Variants in NFIB observed in about 807,000 individuals in gnomAD.
The protein encoded by NFIB is nuclear factor 1 B-type.
A neutral mutation model predicts 61.5 loss-of-function variants in NFIB; 11 were observed. That is an observed-to-expected ratio of 0.18 (90% CI 0.11 to 0.30). NFIB has a LOEUF of 0.30. NFIB is among the 10% of genes least tolerant of loss of function. The pLI is 1.00. For synonymous variants in NFIB, 260 were observed against 216.5 expected (o/e 1.20, Z -1.76); for missense variants, 471 against 608.9 (o/e 0.77, Z 2.38).
intron 2 of NFIB, among the ~76,000 whole-genome samples, chr9:14,197,769 A>C (rs1322301966): frequency 3.3e-5 from 5 of 152,194 alleles, no homozygotes; most frequent in African/African-American, 4.8e-5. Flanking sequence ...GCAGCGCTTT[A>C]GCAAATTTTG....
chr9:14,163,083 A>G (rs527488481), intron 3 of NFIB, among the ~76,000 whole-genome samples: 31 of 152,196 alleles, frequency 2.0e-4, no homozygotes, highest in African/African-American at 7.2e-4. Context: ...ATAGGTAATA[A>G]TCATACTACC....
chr9:14,394,270 T>C (rs1363333203), intron 1 of NFIB, among the ~76,000 whole-genome samples: 2 of 152,220 alleles, frequency 1.3e-5, no homozygotes, highest in Non-Finnish European at 2.9e-5. Flanking sequence ...TGGACATATA[T>C]GCTCATAGAG....
rs2032427350 is a variant in NFIB, at chr9:14,083,907, A to T, written c.*4402T>A. On this transcript the variant is annotated 3_prime_UTR_variant, in exon 11 of 11. Coordinates refer to ENST00000380953, the MANE Select transcript of NFIB (RefSeq NM_001190737.2). The stretch of plus-strand genomic sequence containing the variant: ...TGAATGCTCTGTGAAACTTAACCTT[A>T]AATACCATCACGTAACAATCACAAA... The T allele has an allele frequency of 4.5e-6, 1 of 223,888 alleles. No individual in the cohort carries two copies. Among genetic ancestry groups the T allele is most frequent in the Non-Finnish European group, 8.9e-6 (1 of 112,060 alleles). The allele number at this position is 223,888 out of a possible 1,614,324, so 13.9% of individuals were successfully genotyped here.
rs571049447 is a variant in NFIB, at chr9:14,164,760, T to C, written c.617-8867A>G. Among the ~76,000 whole-genome samples the C allele has an allele frequency of 3.0e-4, 45 of 152,216 alleles. 1 individual carries two copies. The South Asian group carries it at 5.6e-3, about 19-fold the overall frequency. On this transcript the variant is annotated intron_variant, in intron 3 of 10. Transcript: ENST00000380953. ...TGGACCGATTATCCTAGTGTAGTGG[T>C]TGCCAAATTTGCTGAACACTGGAAC...
chr9:14,160,105 C>A (rs1054235283), intron 3 of NFIB, among the ~76,000 whole-genome samples: 1 of 152,182 alleles, frequency 6.6e-6, no homozygotes, highest in Non-Finnish European at 1.5e-5. Context: ...TGTATTTACA[C>A]TACATGTGTG....
chr9:14,157,204 T>C (rs1213044832), intron 3 of NFIB, among the ~76,000 whole-genome samples: 1 of 152,204 alleles, frequency 6.6e-6, no homozygotes, highest in Non-Finnish European at 1.5e-5. Flanking sequence ...GAACCTGCGA[T>C]CAGCTATATA....
chr9:14,472,082 G>A, the NFIB span, among the ~76,000 whole-genome samples: 140 of 152,292 alleles, frequency 9.2e-4, 1 homozygote, highest in Middle Eastern at 0.01. Context: ...ATGAGAGATC[G>A]CGCAGAACAA....
At chr9:14,276,984 C>T (rs1322993) in intron 2 of NFIB, among the ~76,000 whole-genome samples, 128,233 of 151,928 alleles carry the variant, frequency 0.84, 54,450 homozygotes, top group Non-Finnish European at 0.89. Flanking sequence ...CATGGTGCTA[C>T]GAAGAACTTT....
At chr9:14,163,941 T>C (rs910786847) in intron 3 of NFIB, among the ~76,000 whole-genome samples, 7 of 149,416 alleles carry the variant, frequency 4.7e-5, no homozygotes, top group African/African-American at 9.8e-5. Context: ...AAATAAACCA[T>C]GAACCAAAGA....
In NFIB at chr9:14,088,125, C is replaced by T; in HGVS notation, c.*184G>A. On this transcript the variant is annotated 3_prime_UTR_variant, in exon 11 of 11. Transcript: ENST00000380953. ...CTTTCTGCCTTTGTGTTGTTTTGTCCAGTCTTCCTCTTTTCCTTTTTTTTT... is the reference window on the plus strand; with the variant it reads ...CTTTCTGCCTTTGTGTTGTTTTGTCTAGTCTTCCTCTTTTCCTTTTTTTTT... The T allele has an allele frequency of 3.1e-6, 4 of 1,300,798 alleles. No individual in the cohort carries two copies. The highest frequency in any genetic ancestry group is 3.0e-5 in the Admixed American group (1 of 33,578). The allele number at this position is 1,300,798 out of a possible 1,614,324, so 80.6% of individuals were successfully genotyped here.
At chr9:14,357,966 G>C (rs563890903) in intron 1 of NFIB, 1 of 152,200 alleles carries the variant, frequency 6.6e-6, no homozygotes, top group Non-Finnish European at 1.5e-5. Flanking sequence ...AACTAGACTA[G>C]TGATTGGCTA....
At chr9:14,442,859 T>C in the NFIB span, among the ~76,000 whole-genome samples, 1 of 152,164 alleles carries the variant, frequency 6.6e-6, no homozygotes, top group Non-Finnish European at 1.5e-5. Context: ...GTAACAACGG[T>C]ATCACTAATG....
intron 2 of NFIB, among the ~76,000 whole-genome samples, chr9:14,202,127 T>TTC (rs1554671409): frequency 2.6e-5 from 2 of 78,178 alleles, no homozygotes; most frequent in African/African-American, 8.3e-5. Context: ...ATTGATACTT[T>TTC]TCACACACAC....
chr9:14,511,992 T>C, the NFIB span, among the ~76,000 whole-genome samples: 4 of 152,348 alleles, frequency 2.6e-5, no homozygotes, highest in Admixed American at 6.5e-5. Flanking sequence ...CTGTTTTATT[T>C]AGGTATAAAG....
chr9:14,417,644 G>C, the NFIB span, among the ~76,000 whole-genome samples: 1 of 152,070 alleles, frequency 6.6e-6, no homozygotes, highest in Non-Finnish European at 1.5e-5. Context: ...TAACCAGATA[G>C]AAGTATTTTA....
At chr9:14,257,580 C>T (rs1297825023) in intron 2 of NFIB, among the ~76,000 whole-genome samples, 3 of 152,088 alleles carry the variant, frequency 2.0e-5, no homozygotes, top group East Asian at 1.9e-4. Context: ...CGTGGCGAAA[C>T]CCTGTCTCTT....
chr9:14,418,544 G>C, the NFIB span, among the ~76,000 whole-genome samples: 323 of 152,254 alleles, frequency 2.1e-3, 3 homozygotes, highest in African/African-American at 7.4e-3. Flanking sequence ...TGTGTGGTTT[G>C]CTGCATGGAA....
intron 2 of NFIB, among the ~76,000 whole-genome samples, chr9:14,219,381 T>TA (rs751279935): frequency 0.02 from 1,473 of 73,472 alleles, 89 homozygotes; most frequent in East Asian, 0.06. Context: ...AGCACTAGGG[T>TA]AAAAAAAAAA....
the NFIB span, among the ~76,000 whole-genome samples, chr9:14,436,323 G>A: frequency 1.3e-5 from 2 of 152,206 alleles, no homozygotes; most frequent in Non-Finnish European, 2.9e-5. Flanking sequence ...TTCCAGCCAT[G>A]CCACTAGTGG....
Sources: allele counts gnomAD v4.1 joint callset (sites outside exome capture counted in the v4.1 genomes callset), GRCh38; gene constraint gnomAD v4.1.1; transcripts MANE v1.5; gene names NCBI Gene and HGNC (gene_info 2026-07-23, HGNC 2026-07-21).